PCLO: variants seen among roughly 807,000 people sequenced by gnomAD.
PCLO encodes the protein piccolo presynaptic cytomatrix protein, also known as protein piccolo.
PCLO carries 82 observed loss-of-function variants against 427.5 expected under a neutral mutation model. The observed-to-expected ratio is 0.19, with a 90% CI of 0.16 to 0.23. PCLO has a LOEUF of 0.23. PCLO is among the 10% of genes least tolerant of loss of function. PCLO has a pLI of 1.00. For missense variants in PCLO, 6,239 were observed against 6,115.9 expected (o/e 1.02, Z -0.67); for synonymous variants, 2,357 against 2,155.4 (o/e 1.09, Z -2.59).
At chr7:82,868,444 T>C (rs930573104) in intron 10 of PCLO, among the ~76,000 whole-genome samples, 2 of 152,150 alleles carry the variant, frequency 1.3e-5, no homozygotes, top group South Asian at 2.1e-4. Context: ...TCCAACAGCA[T>C]TTTCTTGCCA....
intron 16 of PCLO, among the ~76,000 whole-genome samples, chr7:82,833,719 C>T: frequency 7.8e-6 from 1 of 127,456 alleles, no homozygotes; most frequent in Admixed American, 8.0e-5. Context: ...TAACCAACCA[C>T]TGGTCGCAAA....
intron 3 of PCLO, among the ~76,000 whole-genome samples, chr7:83,110,900 A>G (rs1394006371): frequency 1.3e-5 from 2 of 152,222 alleles, no homozygotes; most frequent in Non-Finnish European, 2.9e-5. Context: ...GCAATGATAA[A>G]ATTACAAAAT....
At chr7:82,879,274 A>C in intron 10 of PCLO, 63 bp downstream of exon 10, 7 of 1,371,578 alleles carry the variant, frequency 5.1e-6, no homozygotes, top group Non-Finnish European at 7.0e-6. Context: ...TTGCATATTA[A>C]ATTAAAATGT....
At chr7:82,874,418 G>A (rs961557475) in intron 10 of PCLO, among the ~76,000 whole-genome samples, 3 of 152,044 alleles carry the variant, frequency 2.0e-5, no homozygotes, top group African/African-American at 7.2e-5. Context: ...CCACTGTGAC[G>A]GGCCTGAATC....
intron 9 of PCLO, among the ~76,000 whole-genome samples, chr7:82,893,346 T>G (rs1793819018): frequency 6.6e-6 from 1 of 152,140 alleles, no homozygotes; most frequent in South Asian, 2.1e-4. Flanking sequence ...CACTGCATGT[T>G]CTCATTCATA....
At chr7:83,081,714 C>G (rs1391946443) in intron 3 of PCLO, among the ~76,000 whole-genome samples, 1 of 151,678 alleles carries the variant, frequency 6.6e-6, no homozygotes, top group Non-Finnish European at 1.5e-5. Context: ...GATATTTGAG[C>G]CAGCCATAAT....
At chr7:82,847,329 CAT>C in intron 10 of PCLO, 82 bp from the exon 11 acceptor site, 1 of 739,622 alleles carries the variant, frequency 1.4e-6, no homozygotes, top group Non-Finnish European at 2.2e-6. Flanking sequence ...CATTTATTTG[CAT>C]TTAGAAGTCA....
intron 3 of PCLO, among the ~76,000 whole-genome samples, chr7:83,129,276 C>T (rs896287721): frequency 1.3e-5 from 2 of 151,986 alleles, no homozygotes; most frequent in Non-Finnish European, 2.9e-5. Flanking sequence ...AATAGCTGCC[C>T]TATTATAATT....
At position 82,758,616 on chromosome 7, in the gene PCLO, TGAC is replaced by T. The variant is rs756019640; in HGVS notation, c.15385_15387del (p.Val5129del). The T allele has an allele frequency of 6.2e-7, 1 of 1,612,070 alleles. No homozygotes were observed. The highest frequency in any genetic ancestry group is 8.5e-7 in the Non-Finnish European group (1 of 1,178,586). On this transcript the variant is annotated inframe_deletion, in exon 25 of 25. Transcript: ENST00000333891. ...GGACTGACCAAAAGTTTGTGCCAGT[TGAC>T]TATTCTTTTTCTGAGATCCACTTTG...
chr7:82,925,502 C>T (rs1476019914), intron 6 of PCLO, among the ~76,000 whole-genome samples: 1 of 152,066 alleles, frequency 6.6e-6, no homozygotes, highest in Non-Finnish European at 1.5e-5. Context: ...CCCACCTGCA[C>T]TCCAACAGCT....
In PCLO at chr7:82,846,562, C is replaced by T. The variant is rs1215480742; in HGVS notation, c.13831+5G>A. Reference sequence around the variant, plus strand: ...TACAGTTGAAACTAGATTTCTTTTACCTACCAGCTTTTGGTGGCTCATGAA... The same window carrying T: ...TACAGTTGAAACTAGATTTCTTTTATCTACCAGCTTTTGGTGGCTCATGAA... On this transcript the variant is annotated splice_donor_5th_base_variant and intron_variant, in intron 12 of 24. Coordinates refer to ENST00000333891, the MANE Select transcript of PCLO (RefSeq NM_033026.6). 3 of 1,591,916 alleles carry T rather than the reference C, an allele frequency of 1.9e-6. No individual in the cohort carries two copies. In the African/African-American group the frequency reaches 4.0e-5, roughly 21 times the overall value.
At chr7:82,906,764 T>C (rs1794202236) in intron 8 of PCLO, among the ~76,000 whole-genome samples, 1 of 151,988 alleles carries the variant, frequency 6.6e-6, no homozygotes, top group African/African-American at 2.4e-5. Context: ...TAACTTTGCA[T>C]AGTTGCAGTT....
At chr7:82,784,581 T>A (rs999157844) in intron 22 of PCLO, among the ~76,000 whole-genome samples, 3 of 152,192 alleles carry the variant, frequency 2.0e-5, no homozygotes, top group Admixed American at 6.5e-5. Flanking sequence ...TTAGTTTATA[T>A]TTTTCCCTTT....
chr7:82,837,186 G>T (rs1338101601), intron 15 of PCLO, among the ~76,000 whole-genome samples: 4 of 151,882 alleles, frequency 2.6e-5, no homozygotes, highest in Non-Finnish European at 5.9e-5. Context: ...ATAATAGCTG[G>T]GATTTACTTC....
intron 22 of PCLO, among the ~76,000 whole-genome samples, chr7:82,782,015 G>A (rs1186198470): frequency 6.6e-6 from 1 of 152,166 alleles, no homozygotes; most frequent in East Asian, 1.9e-4. Context: ...TCTGTGAATT[G>A]TTTCAGCAAA....
intron 3 of PCLO, among the ~76,000 whole-genome samples, chr7:83,068,956 G>C (rs1005053464): frequency 6.6e-6 from 1 of 152,122 alleles, no homozygotes; most frequent in Middle Eastern, 3.2e-3. Flanking sequence ...ACATTATTCA[G>C]TGCAAAGAAA....
intron 10 of PCLO, among the ~76,000 whole-genome samples, chr7:82,878,957 C>T (rs971512785): frequency 2.6e-5 from 4 of 152,116 alleles, no homozygotes; most frequent in African/African-American, 9.7e-5. Flanking sequence ...GCTTACCCAA[C>T]CTTAGTGTGT....
chr7:82,886,633 G>T (rs1793634194), intron 9 of PCLO, among the ~76,000 whole-genome samples: 1 of 152,128 alleles, frequency 6.6e-6, no homozygotes, highest in Non-Finnish European at 1.5e-5. Flanking sequence ...CTTCGGTGAA[G>T]GAGGTATTCA....
intron 16 of PCLO, among the ~76,000 whole-genome samples, chr7:82,834,255 G>T (rs1055919831): frequency 2.6e-5 from 4 of 152,068 alleles, no homozygotes; most frequent in African/African-American, 9.7e-5. Flanking sequence ...AATAATATCT[G>T]TTCTAAAAAT....
Sources: allele counts gnomAD v4.1 joint callset (sites outside exome capture counted in the v4.1 genomes callset), GRCh38; gene constraint gnomAD v4.1.1; transcripts MANE v1.5; gene names NCBI Gene and HGNC (gene_info 2026-07-23, HGNC 2026-07-21).